PRELID2: variants seen among roughly 807,000 people sequenced by gnomAD.
PRELID2 encodes the protein PRELI domain containing 2, also known as PRELI domain-containing protein 2.
Under a neutral mutation model 28.4 loss-of-function variants are expected in PRELID2, and 25 were observed. The ratio of observed to expected loss-of-function variants is 0.88; its 90% CI spans 0.64 to 1.23. The LOEUF is 1.23. Ranked by LOEUF, PRELID2 falls within the 50% of genes most tolerant of loss-of-function variation. PRELID2 has a pLI of 0.00. For synonymous variants in PRELID2, 76 were observed against 71.6 expected, an observed-to-expected ratio of 1.06 and a Z score of -0.31; for missense variants, 201 against 214.4, an observed-to-expected ratio of 0.94 and a Z score of 0.39.
the PRELID2 span, among the ~76,000 whole-genome samples, chr5:145,274,220 G>C: frequency 1.3e-5 from 2 of 152,020 alleles, no homozygotes; most frequent in Non-Finnish European, 2.9e-5. Context: ...ACTATTAAAG[G>C]CTATAGTTAC....
chr5:145,556,323 C>T (rs1250305276), intron 1 of PRELID2, among the ~76,000 whole-genome samples: 2 of 152,072 alleles, frequency 1.3e-5, no homozygotes, highest in African/African-American at 2.4e-5. Context: ...TTCCATTCTT[C>T]TTCCCTATCG....
the PRELID2 span, among the ~76,000 whole-genome samples, chr5:145,383,359 CAT>C: frequency 6.3e-3 from 932 of 148,698 alleles, 4 homozygotes; most frequent in African/African-American, 0.017. Context: ...TACACACGTC[CAT>C]ATATATATAT....
chr5:145,731,168 A>G (rs1489971300), intron 1 of PRELID2, among the ~76,000 whole-genome samples: 1 of 152,224 alleles, frequency 6.6e-6, no homozygotes, highest in Non-Finnish European at 1.5e-5. Flanking sequence ...TAATGTTTAA[A>G]GCATATATTT....
intron 1 of PRELID2, among the ~76,000 whole-genome samples, chr5:145,717,659 TTAATA>T (rs1755879190): frequency 6.6e-6 from 1 of 150,958 alleles, no homozygotes; most frequent in African/African-American, 2.4e-5. Flanking sequence ...CTTGTATTAT[TTAATA>T]TAATAAATTA....
At position 145,525,023 on chromosome 5, in the gene PRELID2, A is replaced by C. The variant is rs78556396; in HGVS notation, n.71-51708T>G. On this transcript the variant is annotated intron_variant and non_coding_transcript_variant, in intron 1 of 2. Transcript: ENST00000510259. ...CAGAACCAATCCTAATGCTAATATC[A>C]ATACTAATATTAATACAAACACTAA... Among the ~76,000 whole-genome samples, 786 of 152,312 alleles carry C rather than the reference A, an allele frequency of 5.2e-3. 11 individuals are homozygous for C. The highest frequency in any genetic ancestry group is 0.017 in the African/African-American group (715 of 41,552).
chr5:145,834,109 T>TTCATTA (rs1237441933), intron 1 of PRELID2, among the ~76,000 whole-genome samples: 4 of 152,128 alleles, frequency 2.6e-5, no homozygotes, highest in African/African-American at 9.7e-5. Flanking sequence ...TGAGGAAGAG[T>TTCATTA]TCATTATCTG....
At chr5:145,445,510 C>A in the PRELID2 span, among the ~76,000 whole-genome samples, 1 of 151,750 alleles carries the variant, frequency 6.6e-6, no homozygotes, top group Admixed American at 6.6e-5. Context: ...AAAACAAAAA[C>A]AAAAATAAAC....
chr5:145,801,327 C>T (rs1455538225), intron 4 of PRELID2, among the ~76,000 whole-genome samples: 1 of 152,140 alleles, frequency 6.6e-6, no homozygotes, highest in Admixed American at 6.6e-5. Flanking sequence ...CCTTTTCCCA[C>T]GTTATGTAAT....
chr5:145,655,307 G>A (rs935843195), intron 1 of PRELID2, among the ~76,000 whole-genome samples: 1 of 152,136 alleles, frequency 6.6e-6, no homozygotes, highest in Non-Finnish European at 1.5e-5. Flanking sequence ...TCAATATCAT[G>A]AAAATGGCCG....
At chr5:145,537,632 T>C (rs1752710748) in intron 1 of PRELID2, among the ~76,000 whole-genome samples, 1 of 151,944 alleles carries the variant, frequency 6.6e-6, no homozygotes, top group Non-Finnish European at 1.5e-5. Flanking sequence ...GAGGAAATTC[T>C]ATTAAAATCT....
the PRELID2 span, among the ~76,000 whole-genome samples, chr5:145,370,280 T>C: frequency 6.6e-6 from 1 of 152,136 alleles, no homozygotes; most frequent in Non-Finnish European, 1.5e-5. Flanking sequence ...TTATCCATCT[T>C]GAGTTAATTT....
chr5:145,684,048 C>T (rs1234097479), intron 1 of PRELID2, among the ~76,000 whole-genome samples: 1 of 152,076 alleles, frequency 6.6e-6, no homozygotes, highest in Admixed American at 6.6e-5. Flanking sequence ...CCTGCCATGC[C>T]TGGAACCGGA....
chr5:145,808,000 C>T (rs1581243927), intron 4 of PRELID2, among the ~76,000 whole-genome samples: 1 of 152,220 alleles, frequency 6.6e-6, no homozygotes, highest in South Asian at 2.1e-4. Context: ...AAATAAAGCT[C>T]CAGCCCAGAT....
intron 1 of PRELID2, among the ~76,000 whole-genome samples, chr5:145,693,150 C>CT (rs747936867): frequency 0.15 from 21,669 of 141,634 alleles, 1,716 homozygotes; most frequent in East Asian, 0.25. Context: ...ATAAATAAAT[C>CT]TTTTTTTTTT....
intron 1 of PRELID2, among the ~76,000 whole-genome samples, chr5:145,583,493 A>G (rs1327614169): frequency 2.0e-5 from 3 of 152,096 alleles, no homozygotes; most frequent in Non-Finnish European, 2.9e-5. Context: ...AAGAGAGGAC[A>G]TCAAATTATC....
intron 1 of PRELID2, among the ~76,000 whole-genome samples, chr5:145,599,514 T>C (rs2149636727): frequency 6.6e-6 from 1 of 152,296 alleles, no homozygotes; most frequent in East Asian, 1.9e-4. Flanking sequence ...TGATGACTAC[T>C]GGAGGAATTC....
At chr5:145,618,275 G>A (rs1753728624) in intron 1 of PRELID2, among the ~76,000 whole-genome samples, 1 of 152,162 alleles carries the variant, frequency 6.6e-6, no homozygotes, top group Non-Finnish European at 1.5e-5. Context: ...CATGTTACCT[G>A]AGTTGGTTTT....
chr5:145,540,154 T>C (rs920594793), intron 1 of PRELID2, among the ~76,000 whole-genome samples: 4 of 151,946 alleles, frequency 2.6e-5, no homozygotes, highest in African/African-American at 4.8e-5. Context: ...ATGTATTCTA[T>C]TTGCAATTGT....
intron 1 of PRELID2, among the ~76,000 whole-genome samples, chr5:145,741,221 T>TAA (rs1756714832): frequency 1.8e-5 from 2 of 109,986 alleles, no homozygotes; most frequent in African/African-American, 3.8e-5. Flanking sequence ...ATATAAAATA[T>TAA]ATATATAATA....
Sources: allele counts gnomAD v4.1 joint callset (sites outside exome capture counted in the v4.1 genomes callset), GRCh38; gene constraint gnomAD v4.1.1; transcripts MANE v1.5; gene names NCBI Gene and HGNC (gene_info 2026-07-23, HGNC 2026-07-21).